FAT3: variants seen among roughly 807,000 people sequenced by gnomAD.
FAT3 encodes protocadherin Fat 3.
A neutral mutation model predicts 310.2 loss-of-function variants in FAT3; 95 were observed. That is an observed-to-expected ratio of 0.31 (90% CI 0.26 to 0.36). The LOEUF is 0.36. Ranked by LOEUF, FAT3 falls within the 10% of genes least tolerant of loss-of-function variation. The probability of loss-of-function intolerance (pLI) is 1.00; values close to 1 mark genes in which losing one functional copy is unlikely to be tolerated. For missense variants in FAT3, 5,408 were observed against 5,715.6 expected, an observed-to-expected ratio of 0.95 and a Z score of 1.74; for synonymous variants, 2,314 against 2,192.9, an observed-to-expected ratio of 1.06 and a Z score of -1.54.
intron 3 of FAT3, among the ~76,000 whole-genome samples, chr11:92,529,590 A>G (rs886710375): frequency 9.2e-5 from 14 of 151,958 alleles, no homozygotes; most frequent in African/African-American, 3.1e-4. Context: ...TGAGAGACCT[A>G]CTTCTTAAAG....
chr11:92,808,523 A>G (rs1308273464), intron 12 of FAT3, among the ~76,000 whole-genome samples: 1 of 152,162 alleles, frequency 6.6e-6, no homozygotes, highest in Non-Finnish European at 1.5e-5. Context: ...TGAATGTCCC[A>G]ATGAAAATCC....
chr11:92,275,954 G>A (rs764092095), intron 1 of FAT3, among the ~76,000 whole-genome samples: 3 of 34,568 alleles, frequency 8.7e-5, no homozygotes, highest in African/African-American at 4.6e-4. Context: ...AGTTGATCAC[G>A]TTTATGTGTG....
At chr11:92,721,383 G>A (rs997316948) in intron 4 of FAT3, among the ~76,000 whole-genome samples, 2 of 152,088 alleles carry the variant, frequency 1.3e-5, no homozygotes, top group Admixed American at 6.6e-5. Context: ...CAATTTAATT[G>A]TACACATTAA....
rs1046620989 is a variant in FAT3 at position 92,776,159 on chromosome 11, A to C, written c.4335+1979A>C. On this transcript the variant is annotated intron_variant, in intron 7 of 27. Coordinates refer to ENST00000525166, the MANE Select transcript of FAT3 (RefSeq NM_001367949.2). ...AAAGCATGAAACCGTATTCATTTCCAGACTTTTCTCCAGAGTTTCATACCA... is the reference window on the plus strand; with the variant it reads ...AAAGCATGAAACCGTATTCATTTCCCGACTTTTCTCCAGAGTTTCATACCA... Among the ~76,000 whole-genome samples, 10 of 152,342 alleles carry C rather than the reference A, an allele frequency of 6.6e-5. No individual in the cohort carries two copies. In the East Asian group the frequency reaches 1.9e-3, roughly 29 times the overall value.
intron 4 of FAT3, among the ~76,000 whole-genome samples, chr11:92,735,569 G>C (rs1392933927): frequency 1.4e-5 from 2 of 137,982 alleles, no homozygotes; most frequent in Non-Finnish European, 3.3e-5. Context: ...TAGATAGATA[G>C]ATAGATAGAT....
intron 4 of FAT3, among the ~76,000 whole-genome samples, chr11:92,756,095 CATATT>C (rs1431175024): frequency 6.6e-6 from 1 of 152,122 alleles, no homozygotes; most frequent in African/African-American, 2.4e-5. Flanking sequence ...AAATATATAA[CATATT>C]AGGTAACGAT....
chr11:92,808,678 C>T (rs1429439534), intron 12 of FAT3, among the ~76,000 whole-genome samples: 1 of 152,162 alleles, frequency 6.6e-6, no homozygotes, highest in Non-Finnish European at 1.5e-5. Context: ...GTAATCCCCG[C>T]ACTTTGGGAG....
intron 12 of FAT3, 112 bp downstream of exon 12, chr11:92,806,627 G>A (rs1947514791): frequency 1.1e-6 from 1 of 892,864 alleles, no homozygotes; most frequent in Middle Eastern, 3.5e-4. Flanking sequence ...CTCTTATAGG[G>A]ATGGAGGGAA....
chr11:92,537,560 A>C (rs372721284), intron 3 of FAT3, among the ~76,000 whole-genome samples: 2 of 152,004 alleles, frequency 1.3e-5, no homozygotes, highest in East Asian at 3.9e-4. Flanking sequence ...GGAATTTATT[A>C]TTGGGATTCA....
intron 14 of FAT3, among the ~76,000 whole-genome samples, chr11:92,832,267 T>C (rs1591792378): frequency 6.6e-6 from 1 of 152,100 alleles, no homozygotes; most frequent in Non-Finnish European, 1.5e-5. Context: ...GCCCAGGAGC[T>C]AGAGGCTCTA....
chr11:92,482,909 C>G (rs574749441), intron 2 of FAT3, among the ~76,000 whole-genome samples: 1 of 152,312 alleles, frequency 6.6e-6, no homozygotes, highest in East Asian at 1.9e-4. Flanking sequence ...CCAGCAGATT[C>G]CAGCTGACCA....
chr11:92,837,405 CA>C (rs1948434399), intron 16 of FAT3, among the ~76,000 whole-genome samples: 3 of 152,176 alleles, frequency 2.0e-5, no homozygotes, highest in Admixed American at 2.0e-4. Flanking sequence ...CATAACTGGG[CA>C]GGGGGTGATA....
chr11:92,621,128 C>G (rs1941065756), intron 3 of FAT3, among the ~76,000 whole-genome samples: 1 of 152,108 alleles, frequency 6.6e-6, no homozygotes, highest in Non-Finnish European at 1.5e-5. Flanking sequence ...ATCACCATCC[C>G]AAATCAAGGC....
intron 2 of FAT3, among the ~76,000 whole-genome samples, chr11:92,472,250 C>T (rs1223131300): frequency 6.6e-6 from 1 of 152,038 alleles, no homozygotes; most frequent in Admixed American, 6.6e-5. Flanking sequence ...ATCATATGAA[C>T]AACTTTTACT....
chr11:92,803,010 T>C (rs1268848229), intron 10 of FAT3, among the ~76,000 whole-genome samples: 1 of 138,112 alleles, frequency 7.2e-6, no homozygotes, highest in Non-Finnish European at 1.6e-5. Flanking sequence ...TGAAACACTT[T>C]ATGATCTATC....
At chr11:92,339,774 A>T (rs956768783) in intron 1 of FAT3, among the ~76,000 whole-genome samples, 5 of 152,114 alleles carry the variant, frequency 3.3e-5, no homozygotes, top group Admixed American at 2.6e-4. Flanking sequence ...GATCAAAAAA[A>T]GGCCAGTGTC....
chr11:92,651,977 C>T (rs986768962), intron 3 of FAT3, among the ~76,000 whole-genome samples: 2 of 152,084 alleles, frequency 1.3e-5, no homozygotes, highest in African/African-American at 4.8e-5. Flanking sequence ...CCATCTTTTC[C>T]TCTGGGTGTA....
chr11:92,251,788 A>G (rs1865152734), intron 1 of FAT3, among the ~76,000 whole-genome samples: 1 of 152,140 alleles, frequency 6.6e-6, no homozygotes, highest in Admixed American at 6.5e-5. Flanking sequence ...CAAGACAGAT[A>G]AGGTCTCACC....
chr11:92,742,673 C>T (rs1469134343), intron 4 of FAT3, among the ~76,000 whole-genome samples: 1 of 152,196 alleles, frequency 6.6e-6, no homozygotes, highest in Non-Finnish European at 1.5e-5. Context: ...GTCCTTCCAC[C>T]TTCCACCATG....
Sources: gnomAD v4.1 joint callset for allele counts (sites outside exome capture counted in the v4.1 genomes callset) on GRCh38, gnomAD v4.1.1 for gene constraint, MANE v1.5 for transcripts, NCBI Gene and HGNC (gene_info 2026-07-23, HGNC 2026-07-21) for gene names.